Variants in SPATC1L observed in about 807,000 individuals in gnomAD.
SPATC1L encodes spermatogenesis and centriole associated 1 like.
A neutral mutation model predicts 21.2 loss-of-function variants in SPATC1L; 20 were observed. The observed-to-expected ratio is 0.94, with a 90% CI of 0.66 to 1.37. The LOEUF (loss-of-function observed/expected upper bound fraction) is 1.37, where lower values mean the gene tolerates loss of function less well. Among genes scored for constraint, SPATC1L ranks in the 40% most tolerant of loss-of-function variants. SPATC1L has a pLI of 0.00. For synonymous variants in SPATC1L, 290 were observed against 234.5 expected (o/e 1.24, Z -2.16); for missense variants, 499 against 478.7 (o/e 1.04, Z -0.40).
chr21:46,161,802 C>T (rs952833357), intron 4 of SPATC1L, 97 bp from the exon 5 acceptor site: 3 of 1,495,480 alleles, frequency 2.0e-6, no homozygotes, highest in East Asian at 2.4e-5. Context: ...CGCCTGGGTC[C>T]CCGGGGTCCC....
chr21:46,178,808 A>C (rs1008662779), intron 2 of SPATC1L, among the ~76,000 whole-genome samples: 2 of 152,068 alleles, frequency 1.3e-5, no homozygotes, highest in African/African-American at 4.8e-5. Context: ...AATCGCTTGA[A>C]CCCAGGAGGC....
chr21:46,164,779 G>A (rs1444091918), intron 3 of SPATC1L, among the ~76,000 whole-genome samples: 22 of 134,806 alleles, frequency 1.6e-4, no homozygotes, highest in Admixed American at 1.5e-3. Flanking sequence ...GCGACAGAGC[G>A]AGACTCCATC....
chr21:46,165,500 A>G (rs1009812830), intron 3 of SPATC1L, among the ~76,000 whole-genome samples: 1 of 150,820 alleles, frequency 6.6e-6, no homozygotes, highest in Non-Finnish European at 1.5e-5. Context: ...AAAGGACAAC[A>G]TGAGTATGAG....
chr21:46,173,619 C>T (rs2079609117), intron 2 of SPATC1L, among the ~76,000 whole-genome samples: 1 of 151,982 alleles, frequency 6.6e-6, no homozygotes, highest in Non-Finnish European at 1.5e-5. Flanking sequence ...AGTGGATCCT[C>T]CCCCACCCTG....
intron 2 of SPATC1L, among the ~76,000 whole-genome samples, chr21:46,171,535 C>T (rs1460517656): frequency 3.9e-5 from 6 of 152,138 alleles, no homozygotes; most frequent in Non-Finnish European, 7.4e-5. Context: ...AGCGTGTGCC[C>T]GGCCTCCTGC....
At position 46,168,565 on chromosome 21, in the gene SPATC1L, A is replaced by AG; in HGVS notation, c.286dup (p.Leu96ProfsTer30). 1 of 1,486,002 alleles carries AG rather than the reference A, an allele frequency of 6.7e-7. No individual in the cohort carries two copies. The highest frequency in any genetic ancestry group is 9.1e-7 in the Non-Finnish European group (1 of 1,103,146). The allele number at this position is 1,486,002 out of a possible 1,614,324, so 92.1% of individuals were successfully genotyped here. ...CGGGGAGGTGTCGTCCTCGCTGGAC[A>AG]GGGGGGCATGTGAGCACAGCAGGTC... is the stretch of plus-strand genomic sequence containing the variant. On this transcript the variant is annotated frameshift_variant, in exon 3 of 5. Transcript: ENST00000291672. LOFTEE classifies it high-confidence loss of function.
intron 2 of SPATC1L, among the ~76,000 whole-genome samples, chr21:46,171,778 G>A (rs1258761919): frequency 6.6e-6 from 1 of 151,984 alleles, no homozygotes; most frequent in East Asian, 1.9e-4. Flanking sequence ...AGGGCTGCAG[G>A]CCTGGATGGT....
At chr21:46,178,435 G>C (rs2079648643) in intron 2 of SPATC1L, among the ~76,000 whole-genome samples, 1 of 152,088 alleles carries the variant, frequency 6.6e-6, no homozygotes, top group Non-Finnish European at 1.5e-5. Flanking sequence ...CCTACCAGAT[G>C]GTGAAGGGTG....
At chr21:46,178,453 G>A (rs2079648699) in intron 2 of SPATC1L, among the ~76,000 whole-genome samples, 1 of 152,092 alleles carries the variant, frequency 6.6e-6, no homozygotes, top group Admixed American at 6.6e-5. Flanking sequence ...GTGAGAGAAG[G>A]GAGAGGATCA....
chr21:46,168,557 C>G lies in SPATC1L; in HGVS notation c.295G>C (p.Glu99Gln). 1 of 1,496,492 alleles carries G rather than the reference C, an allele frequency of 6.7e-7. No individual in the cohort carries two copies. Among genetic ancestry groups the G allele is most frequent in the Non-Finnish European group, 9.0e-7 (1 of 1,108,664 alleles). 92.7% of individuals were successfully genotyped at this position (1,496,492 alleles called of 1,614,324 possible). Reference sequence around the variant, plus strand: ...GCACAGCCCGGGGAGGTGTCGTCCTCGCTGGACAGGGGGGCATGTGAGCAC... The same window carrying G: ...GCACAGCCCGGGGAGGTGTCGTCCTGGCTGGACAGGGGGGCATGTGAGCAC... Reference protein sequence around the residue: ...LLCSHAPLSSEDDTSPGCAAP... With the variant: ...LLCSHAPLSSQDDTSPGCAAP... Residue 99 changes from glutamate (E) to glutamine (Q), a missense_variant, in exon 3 of 5, where the codon GAG becomes CAG. Glu to Gln is a conservative substitution (Grantham distance 29). Transcript: ENST00000291672.
intron 1 of SPATC1L, 133 bp from the exon 2 acceptor site, chr21:46,183,907 A>C (rs1335750645): frequency 2.6e-5 from 2 of 77,554 alleles, no homozygotes; most frequent in Admixed American, 1.5e-4. Flanking sequence ...CCTGGTGAGG[A>C]GACCAGCCTG....
At chr21:46,183,974 G>GGGGGAGAGCAGCCTAGGGT (rs2079703698) in intron 1 of SPATC1L, among the ~76,000 whole-genome samples, 200 bp from the exon 2 acceptor site, 1 of 147,600 alleles carries the variant, frequency 6.8e-6, no homozygotes, top group Admixed American at 6.8e-5. Context: ...CCAGTCTTGC[G>GGGGGAGAGCAGCCTAGGGT]GGGGAGACCA....
At chr21:46,176,045 C>T (rs28786739) in intron 2 of SPATC1L, among the ~76,000 whole-genome samples, 5 of 74 alleles carry the variant, frequency 0.068, no homozygotes, top group African/African-American at 0.25. Context: ...AGGACTAAAG[C>T]AAAAACCATA....
At position 46,161,178 on chromosome 21, in the gene SPATC1L, A is replaced by G. The variant is rs1033946632; in HGVS notation, c.*201T>C. On this transcript the variant is annotated 3_prime_UTR_variant, in exon 5 of 5. Coordinates refer to ENST00000291672, the MANE Select transcript of SPATC1L (RefSeq NM_001142854.2). ...GCAGACATGCAAACGGATGATTTTA[A>G]TGAGGGGTGAGAAGCACTCCGCAGG... 4.6e-6 allele frequency: 2 copies of G among 434,252 alleles called. No individual in the cohort carries two copies. The highest frequency in any genetic ancestry group is 4.1e-5 in the African/African-American group (2 of 48,280). 26.9% of individuals were successfully genotyped at this position (434,252 alleles called of 1,614,324 possible).
At chr21:46,175,880 T>G (rs986782770) in intron 2 of SPATC1L, among the ~76,000 whole-genome samples, 6 of 152,140 alleles carry the variant, frequency 3.9e-5, no homozygotes, top group Non-Finnish European at 7.4e-5. Context: ...GCCAATATAT[T>G]TGATGAACAT....
intron 2 of SPATC1L, among the ~76,000 whole-genome samples, chr21:46,181,331 A>T (rs2079671434): frequency 6.6e-6 from 1 of 152,082 alleles, no homozygotes; most frequent in Non-Finnish European, 1.5e-5. Context: ...CATGGCCCCC[A>T]GGCGCCAGGT....
rs762836307 is a variant in SPATC1L, at chr21:46,161,667, C to T, written c.735G>A (p.Arg245=). ...AGCGCTGCGTCAGCTCGCGCAGCTTCCTCTCGTCCACGGAGCCGTCCAGAG... is the reference window on the plus strand; with the variant it reads ...AGCGCTGCGTCAGCTCGCGCAGCTTTCTCTCGTCCACGGAGCCGTCCAGAG... The part of the protein sequence containing the change: ...TKSLDGSVDE[R]KLRELTQRYL... The change falls in exon 5 of 5, where the codon AGG becomes AGA. Residue 245 remains arginine (R), a synonymous_variant. Transcript: ENST00000291672. 2 of 1,607,616 alleles carry T rather than the reference C, an allele frequency of 1.2e-6. No homozygotes were observed. The highest frequency in any genetic ancestry group is 2.7e-5 in the African/African-American group (2 of 74,846).
chr21:46,168,279 C>A (rs1319151044), intron 3 of SPATC1L, 29 bp downstream of exon 3: 3 of 1,511,064 alleles, frequency 2.0e-6, no homozygotes, highest in Non-Finnish European at 2.7e-6. Context: ...ACTGGGGGCC[C>A]CCCCAGGTGC....
At chr21:46,177,560 T>C (rs1279594936) in intron 2 of SPATC1L, among the ~76,000 whole-genome samples, 3 of 152,136 alleles carry the variant, frequency 2.0e-5, no homozygotes, top group African/African-American at 7.2e-5. Context: ...TGAGACACCA[T>C]CTCACACCAG....
Sources: gnomAD v4.1 joint callset for allele counts (sites outside exome capture counted in the v4.1 genomes callset) on GRCh38, gnomAD v4.1.1 for gene constraint, MANE v1.5 for transcripts, NCBI Gene and HGNC (gene_info 2026-07-23, HGNC 2026-07-21) for gene names.